Variants in LCOR observed in about 807,000 individuals in gnomAD.
LCOR encodes the protein ligand dependent nuclear receptor corepressor.
LCOR carries 14 observed loss-of-function variants against 64.4 expected under a neutral mutation model. The ratio of observed to expected loss-of-function variants is 0.22; its 90% confidence interval spans 0.14 to 0.34. The LOEUF is 0.34. LCOR is among the 10% of genes least tolerant of loss of function. The pLI, the probability that LCOR is intolerant of heterozygous loss-of-function variation, is 1.00. For synonymous variants in LCOR, 643 were observed against 642.5 expected, an observed-to-expected ratio of 1.00 and a Z score of -0.01; for missense variants, 1,686 against 1,765.3, an observed-to-expected ratio of 0.96 and a Z score of 0.80.
chr10:96,864,850 T>G (rs1036032380), intron 2 of LCOR, among the ~76,000 whole-genome samples: 2 of 152,202 alleles, frequency 1.3e-5, no homozygotes. Context: ...GGGTATACCA[T>G]CTAGGTTTGT....
intron 7 of LCOR, chr10:96,964,065 G>A (rs1457674055): frequency 2.6e-5 from 4 of 152,002 alleles, no homozygotes; most frequent in South Asian, 2.1e-4. Context: ...TGAACTTTTT[G>A]TTCCTTGCTA....
chr10:96,920,538 A>G (rs1346635068), intron 4 of LCOR, among the ~76,000 whole-genome samples: 1 of 144,342 alleles, frequency 6.9e-6, no homozygotes, highest in Non-Finnish European at 1.5e-5. Context: ...GTATATATGT[A>G]TGTATATTCA....
At chr10:96,856,795 G>A (rs1404276512) in intron 2 of LCOR, among the ~76,000 whole-genome samples, 1 of 150,148 alleles carries the variant, frequency 6.7e-6, no homozygotes, top group Non-Finnish European at 1.5e-5. Flanking sequence ...TTTTTCTCTA[G>A]AAAGATACCT....
intron 4 of LCOR, among the ~76,000 whole-genome samples, chr10:96,933,273 C>G (rs1847294042): frequency 6.6e-6 from 1 of 151,976 alleles, no homozygotes; most frequent in South Asian, 2.1e-4. Context: ...TACAAGGTAG[C>G]TTTTTTCAGG....
chr10:96,873,567 CACACGTGTGTGTGT>C (rs1256238298), intron 2 of LCOR, among the ~76,000 whole-genome samples: 112 of 118,442 alleles, frequency 9.5e-4, no homozygotes, highest in African/African-American at 2.8e-3. Context: ...TACACACACA[CACACGTGTGTGTGT>C]GTGTGTGTGT....
intron 4 of LCOR, among the ~76,000 whole-genome samples, chr10:96,924,488 C>A (rs997570436): frequency 6.6e-6 from 1 of 151,784 alleles, no homozygotes; most frequent in Non-Finnish European, 1.5e-5. Context: ...GTGATCCACC[C>A]GCCTCAGCCT....
chr10:96,873,571 C>CACACGTGTGTGT (rs759335426), intron 2 of LCOR, among the ~76,000 whole-genome samples: 2 of 126,340 alleles, frequency 1.6e-5, no homozygotes, highest in East Asian at 5.5e-4. Context: ...CACACACACA[C>CACACGTGTGTGT]GTGTGTGTGT....
At chr10:96,927,766 A>C (rs1230065825) in intron 4 of LCOR, among the ~76,000 whole-genome samples, 1 of 152,214 alleles carries the variant, frequency 6.6e-6, no homozygotes, top group Non-Finnish European at 1.5e-5. Flanking sequence ...TCATTTGACC[A>C]TATACATGTT....
rs1564647746 is a variant in LCOR, at chr10:96,989,638, A to G, written c.*4504A>G. Reference sequence around the variant, plus strand: ...ACCAGAGTATGACTGAAAAGCTATTATAGTCTTCCTCCTTTTCCAAAAACT... The same window carrying G: ...ACCAGAGTATGACTGAAAAGCTATTGTAGTCTTCCTCCTTTTCCAAAAACT... On this transcript the variant is annotated 3_prime_UTR_variant, in exon 8 of 8. Coordinates refer to ENST00000421806, the MANE Select transcript of LCOR (RefSeq NM_001346516.2). 1.4e-5 allele frequency: 2 copies of G among 143,574 alleles called. No homozygotes were observed. Among genetic ancestry groups the G allele is most frequent in the African/African-American group, 5.3e-5 (2 of 37,922 alleles). The allele number at this position is 143,574 out of a possible 1,614,324, so 8.9% of individuals were successfully genotyped here. A position where few individuals can be genotyped will look rare whatever the true frequency, so the allele number is the denominator to read the frequency against.
At chr10:96,879,907 C>G (rs1428483930) in intron 2 of LCOR, among the ~76,000 whole-genome samples, 1 of 152,174 alleles carries the variant, frequency 6.6e-6, no homozygotes, top group Non-Finnish European at 1.5e-5. Context: ...AAGTAATCTG[C>G]CCACCTCGGC....
chr10:96,866,207 A>G (rs1845971051), intron 2 of LCOR, among the ~76,000 whole-genome samples: 2 of 152,202 alleles, frequency 1.3e-5, no homozygotes, highest in Admixed American at 1.3e-4. Context: ...CTGTATTCAC[A>G]GAGTTGTACA....
At chr10:96,835,761 C>T (rs1310840973) in intron 2 of LCOR, among the ~76,000 whole-genome samples, 2 of 151,944 alleles carry the variant, frequency 1.3e-5, no homozygotes, top group African/African-American at 2.4e-5. Context: ...CGAATTCTCC[C>T]TTCTATTAGT....
intron 2 of LCOR, among the ~76,000 whole-genome samples, chr10:96,876,595 CTT>C (rs1846168010): frequency 1.3e-5 from 2 of 152,150 alleles, no homozygotes; most frequent in Admixed American, 6.5e-5. Flanking sequence ...AGAATGAACT[CTT>C]AATATTCAGA....
chr10:96,977,132 C>T (rs1304437527), intron 7 of LCOR, among the ~76,000 whole-genome samples: 1 of 152,178 alleles, frequency 6.6e-6, no homozygotes, highest in Non-Finnish European at 1.5e-5. Context: ...GGCTTTTGAG[C>T]AACAGAAGTT....
intron 5 of LCOR, among the ~76,000 whole-genome samples, chr10:96,945,331 C>T (rs1248742679): frequency 6.6e-6 from 1 of 152,106 alleles, no homozygotes; most frequent in South Asian, 2.1e-4. Context: ...ATCAGTATTT[C>T]CAAAAGGCGG....
At chr10:96,912,000 C>T (rs997538645) in intron 4 of LCOR, among the ~76,000 whole-genome samples, 1 of 151,864 alleles carries the variant, frequency 6.6e-6, no homozygotes, top group African/African-American at 2.4e-5. Flanking sequence ...GGCATGATCT[C>T]GGCTCACTGC....
At position 96,992,871 on chromosome 10, in the gene LCOR, G is replaced by A. The variant is rs1290727510; in HGVS notation, c.*7737G>A. 2 of 152,396 alleles carry A rather than the reference G, an allele frequency of 1.3e-5. No individual in the cohort carries two copies. Among genetic ancestry groups the A allele is most frequent in the Non-Finnish European group, 1.5e-5 (1 of 68,080 alleles). 9.4% of individuals were successfully genotyped at this position (152,396 alleles called of 1,614,324 possible). A position where few individuals can be genotyped will look rare whatever the true frequency, so the allele number is the denominator to read the frequency against. On this transcript the variant is annotated 3_prime_UTR_variant, in exon 8 of 8. Transcript: ENST00000421806. ...CACTCTAATTAATCATGGGAGATAA[G>A]CATGTTACCTTCTGCACCTTGACTT...
intron 4 of LCOR, among the ~76,000 whole-genome samples, chr10:96,928,303 A>G (rs1847201919): frequency 6.6e-6 from 1 of 152,192 alleles, no homozygotes; most frequent in Non-Finnish European, 1.5e-5. Flanking sequence ...AATATTCTAT[A>G]TCCTTTGTTG....
intron 4 of LCOR, among the ~76,000 whole-genome samples, chr10:96,940,303 ATTTTTTTTTTTTTTTT>A (rs552752409): frequency 0.033 from 2,163 of 65,552 alleles, 78 homozygotes; most frequent in African/African-American, 0.12. Context: ...GGTGGTCATG[ATTTTTTTTTTTTTTTT>A]TTTTTTTTTT....
Sources: allele counts gnomAD v4.1 joint callset (sites outside exome capture counted in the v4.1 genomes callset), GRCh38; gene constraint gnomAD v4.1.1; transcripts MANE v1.5; gene names NCBI Gene and HGNC (gene_info 2026-07-23, HGNC 2026-07-21).